COBL: variants seen among roughly 807,000 people sequenced by gnomAD.
COBL encodes cordon-bleu WH2 repeat protein.
In COBL, 51 loss-of-function variants were observed where a neutral mutation model predicts 98.8. The ratio of observed to expected loss-of-function variants is 0.52; its 90% confidence interval spans 0.41 to 0.65. The LOEUF (loss-of-function observed/expected upper bound fraction) is 0.65, where lower values mean the gene tolerates loss of function less well. Among genes scored for constraint, COBL ranks in the 30% least tolerant of loss-of-function variants. The pLI is 0.00. For missense variants in COBL, 1,617 were observed against 1,617.5 expected (o/e 1.00, Z 0.01); for synonymous variants, 634 against 651.7 (o/e 0.97, Z 0.41).
intron 1 of COBL, among the ~76,000 whole-genome samples, chr7:51,229,496 C>T (rs1477195097): frequency 6.6e-6 from 1 of 152,172 alleles, no homozygotes; most frequent in Non-Finnish European, 1.5e-5. Context: ...TCGTCCACCA[C>T]CTTCTTGGAG....
intron 6 of COBL, among the ~76,000 whole-genome samples, chr7:51,102,156 C>A (rs1795865685): frequency 6.6e-6 from 1 of 152,134 alleles, no homozygotes; most frequent in Non-Finnish European, 1.5e-5. Context: ...GGTTGTTTAA[C>A]CCATCCAGTT....
intron 6 of COBL, among the ~76,000 whole-genome samples, chr7:51,135,548 A>G (rs1184081372): frequency 1.3e-5 from 2 of 152,158 alleles, no homozygotes; most frequent in African/African-American, 2.4e-5. Flanking sequence ...ATCTGCTGCT[A>G]TAACTTTTTA....
intron 12 of COBL, among the ~76,000 whole-genome samples, chr7:51,024,653 GTGAATGAATGAATGAA>G (rs3216937): frequency 0.42 from 62,935 of 151,210 alleles, 16,083 homozygotes; most frequent in Non-Finnish European, 0.59. Context: ...GCATGTACGA[GTGAATGAATGAATGAA>G]TGAATGAATG....
chr7:51,184,766 T>G (rs954665708), intron 4 of COBL, among the ~76,000 whole-genome samples: 2 of 152,226 alleles, frequency 1.3e-5, no homozygotes, highest in African/African-American at 4.8e-5. Flanking sequence ...GGCCTGTGGC[T>G]GCCAAATCAG....
chr7:51,255,081 T>A (rs1797077243), intron 1 of COBL, among the ~76,000 whole-genome samples: 1 of 152,202 alleles, frequency 6.6e-6, no homozygotes. Context: ...AATCACAGGA[T>A]CCATGTGAAG....
At chr7:51,229,487 C>T (rs1488876734) in intron 1 of COBL, among the ~76,000 whole-genome samples, 2 of 152,176 alleles carry the variant, frequency 1.3e-5, no homozygotes, top group Admixed American at 1.3e-4. Context: ...AAGGTGCATT[C>T]GTCCACCACC....
At chr7:51,061,030 T>C (rs1791302328) in intron 7 of COBL, among the ~76,000 whole-genome samples, 1 of 152,170 alleles carries the variant, frequency 6.6e-6, no homozygotes, top group Admixed American at 6.5e-5. Flanking sequence ...GTACCACTAA[T>C]GGCCCAGACC....
intron 12 of COBL, among the ~76,000 whole-genome samples, chr7:51,018,048 G>A (rs1398986474): frequency 6.6e-6 from 1 of 152,254 alleles, no homozygotes; most frequent in African/African-American, 2.4e-5. Flanking sequence ...TTAAGCTGAT[G>A]TTTTAATGAG....
chr7:51,133,557 A>G (rs1251543003), intron 6 of COBL, among the ~76,000 whole-genome samples: 4 of 152,188 alleles, frequency 2.6e-5, no homozygotes, highest in East Asian at 3.9e-4. Context: ...GGCCCAGGAA[A>G]ATGTGTTTTA....
At chr7:51,252,933 A>G (rs1474680158) in intron 1 of COBL, among the ~76,000 whole-genome samples, 2 of 152,322 alleles carry the variant, frequency 1.3e-5, no homozygotes, top group East Asian at 1.9e-4. Flanking sequence ...TTTAAAATGC[A>G]TAATTTTAGC....
chr7:51,083,959 A>G (rs1583726705), intron 7 of COBL, among the ~76,000 whole-genome samples: 1 of 152,162 alleles, frequency 6.6e-6, no homozygotes, highest in Non-Finnish European at 1.5e-5. Flanking sequence ...GCTTTTGTCC[A>G]TTTATGAAAA....
chr7:51,087,175 C>T (rs909723332), intron 6 of COBL, among the ~76,000 whole-genome samples: 4 of 149,512 alleles, frequency 2.7e-5, no homozygotes, highest in Non-Finnish European at 5.9e-5. Context: ...CAGACTCATA[C>T]TTTTCCTCTC....
At chr7:51,298,705 A>G (rs1200650904) in intron 1 of COBL, among the ~76,000 whole-genome samples, 1 of 152,202 alleles carries the variant, frequency 6.6e-6, no homozygotes, top group African/African-American at 2.4e-5. Context: ...AATGGTGCAA[A>G]TGTGTAAATT....
chr7:51,293,006 G>C (rs1801056556), intron 1 of COBL, among the ~76,000 whole-genome samples: 1 of 152,172 alleles, frequency 6.6e-6, no homozygotes, highest in Admixed American at 6.5e-5. Context: ...AAAAAGTTTA[G>C]ATTTAAAATT....
At chr7:51,236,451 C>A (rs1194594414) in intron 1 of COBL, among the ~76,000 whole-genome samples, 1 of 152,162 alleles carries the variant, frequency 6.6e-6, no homozygotes, top group Non-Finnish European at 1.5e-5. Context: ...GGAGGGTACA[C>A]CCATTCACTC....
intron 1 of COBL, among the ~76,000 whole-genome samples, chr7:51,314,114 G>C (rs1179464040): frequency 1.3e-5 from 2 of 152,218 alleles, no homozygotes; most frequent in Non-Finnish European, 2.9e-5. Context: ...GCCAGACACA[G>C]AGTCAGTGAG....
intron 5 of COBL, among the ~76,000 whole-genome samples, chr7:51,159,642 C>T (rs889617951): frequency 6.6e-6 from 1 of 152,102 alleles, no homozygotes; most frequent in Non-Finnish European, 1.5e-5. Context: ...CGTTTTCTAC[C>T]TCAGTATCCT....
chr7:51,092,038 G>C (rs116791770), intron 6 of COBL, among the ~76,000 whole-genome samples: 360 of 152,294 alleles, frequency 2.4e-3, no homozygotes, highest in African/African-American at 7.7e-3. Context: ...AGAGGTGAGT[G>C]GTAAGTGAAC....
chr7:51,041,126 A>C (rs998533794), intron 8 of COBL, among the ~76,000 whole-genome samples: 78 of 152,354 alleles, frequency 5.1e-4, no homozygotes, highest in African/African-American at 1.8e-3. Flanking sequence ...GGCCAACCTC[A>C]GCAAAATGCA....
Sources: gnomAD v4.1 joint callset for allele counts (sites outside exome capture counted in the v4.1 genomes callset) on GRCh38, gnomAD v4.1.1 for gene constraint, MANE v1.5 for transcripts, NCBI Gene and HGNC (gene_info 2026-07-23, HGNC 2026-07-21) for gene names.